The following IFT88 variants were observed in gnomAD, a reference collection of about 807,000 sequenced individuals.
IFT88 encodes the protein intraflagellar transport 88, also known as intraflagellar transport protein 88 homolog.
In IFT88, 74 loss-of-function variants were observed where a neutral mutation model predicts 119.5. The observed-to-expected ratio is 0.62, with a 90% CI of 0.51 to 0.75. The LOEUF is 0.75. Among genes scored for constraint, IFT88 ranks in the 30% least tolerant of loss-of-function variants. The pLI is 0.00. For missense variants in IFT88, 961 were observed against 977.7 expected, an observed-to-expected ratio of 0.98 and a Z score of 0.23; for synonymous variants, 279 against 316.7, an observed-to-expected ratio of 0.88 and a Z score of 1.26.
chr13:20,581,520 A>T (rs895872970), intron 2 of IFT88, among the ~76,000 whole-genome samples: 2 of 152,168 alleles, frequency 1.3e-5, no homozygotes, highest in Non-Finnish European at 2.9e-5. Context: ...TTTAGTTTCT[A>T]TGGGTAACTG....
intron 9 of IFT88, 54 bp downstream of exon 9, chr13:20,597,173 GGGTTC>G: frequency 1.2e-6 from 1 of 853,162 alleles, no homozygotes. Flanking sequence ...TAGGGTTAAT[GGGTTC>G]CAGAGTCTTT....
chr13:20,575,283 G>A (rs1348157822), intron 2 of IFT88, among the ~76,000 whole-genome samples: 1 of 152,078 alleles, frequency 6.6e-6, no homozygotes, highest in Non-Finnish European at 1.5e-5. Flanking sequence ...TATTGCAAAT[G>A]ACAGGATCTC....
intron 20 of IFT88, among the ~76,000 whole-genome samples, chr13:20,645,957 C>A (rs1311353666): frequency 6.6e-6 from 1 of 152,158 alleles, no homozygotes; most frequent in Non-Finnish European, 1.5e-5. Flanking sequence ...TTAATTATAT[C>A]TTTAAGATTA....
At chr13:20,583,804 A>G (rs2039149806) in intron 3 of IFT88, among the ~76,000 whole-genome samples, 1 of 152,124 alleles carries the variant, frequency 6.6e-6, no homozygotes, top group Non-Finnish European at 1.5e-5. Flanking sequence ...TCATTTTTAT[A>G]TATGGTATAA....
intron 16 of IFT88, among the ~76,000 whole-genome samples, chr13:20,632,548 C>T (rs2048362664): frequency 6.6e-6 from 1 of 152,206 alleles, no homozygotes; most frequent in Admixed American, 6.5e-5. Flanking sequence ...TGGTCTTTAA[C>T]AGATTTCCAA....
chr13:20,678,634 A>G (rs1026591352), intron 24 of IFT88, among the ~76,000 whole-genome samples: 5 of 152,180 alleles, frequency 3.3e-5, no homozygotes, highest in Admixed American at 2.6e-4. Flanking sequence ...AACAACTTCT[A>G]GCAGTGTGAA....
intron 14 of IFT88, among the ~76,000 whole-genome samples, chr13:20,616,541 A>T (rs960473078): frequency 6.6e-6 from 1 of 152,222 alleles, no homozygotes; most frequent in Non-Finnish European, 1.5e-5. Context: ...GCATTAGGCT[A>T]TACCATATAG....
intron 14 of IFT88, among the ~76,000 whole-genome samples, chr13:20,625,513 A>G (rs950183156): frequency 2.6e-5 from 4 of 152,174 alleles, no homozygotes; most frequent in African/African-American, 4.8e-5. Flanking sequence ...TATCAGTCCA[A>G]TTTTTACTTA....
intron 20 of IFT88, among the ~76,000 whole-genome samples, chr13:20,645,704 T>C (rs1165539096): frequency 6.6e-6 from 1 of 152,230 alleles, no homozygotes; most frequent in Non-Finnish European, 1.5e-5. Flanking sequence ...GTGTTATACA[T>C]ATCTGATTCA....
At chr13:20,641,741 A>G (rs1253577359) in intron 18 of IFT88, 3 of 173,452 alleles carry the variant, frequency 1.7e-5, no homozygotes, top group African/African-American at 7.1e-5. Context: ...GTAGGGTATC[A>G]TTGAAGCACT....
chr13:20,603,815 T>G lies in IFT88; in HGVS notation c.1042-1220T>G, dbSNP rs536132148. Among the ~76,000 whole-genome samples, 55 of 152,262 alleles carry G rather than the reference T, an allele frequency of 3.6e-4. 1 individual carries two copies. The highest frequency in any genetic ancestry group is 3.3e-3 in the Admixed American group (50 of 15,292). On this transcript the variant is annotated intron_variant, in intron 12 of 25. Coordinates refer to ENST00000351808, the MANE Select transcript of IFT88 (RefSeq NM_006531.5). The stretch of plus-strand genomic sequence containing the variant: ...GGGAGGCTGAGGTGGGAGGATCACC[T>G]GAGCCCGAGGAGGTCAAGGCTGCAG...
Position 20,590,971 on chromosome 13 carries a change from A to C in IFT88, c.215A>C (p.Lys72Thr), listed in dbSNP as rs1452960490. 3.7e-6 allele frequency: 6 copies of C among 1,607,274 alleles called. No homozygotes were observed. The East Asian group carries it at 1.3e-4, about 36-fold the overall frequency. The change falls in exon 5 of 26, where the codon AAG becomes ACG. Residue 72 changes from lysine to threonine, a missense_variant. Transcript: ENST00000351808. Reference sequence around the variant, plus strand: ...CTTAACTTTTCTGTTTACTAGTCCAAGACATCTCTGGCATCATCAATAGGA... The same window carrying C: ...CTTAACTTTTCTGTTTACTAGTCCACGACATCTCTGGCATCATCAATAGGA... ...TRPIATGYGS[K>T]TSLASSIGRP...
chr13:20,665,793 C>A (rs2054576998), intron 23 of IFT88, among the ~76,000 whole-genome samples: 1 of 152,180 alleles, frequency 6.6e-6, no homozygotes, highest in African/African-American at 2.4e-5. Flanking sequence ...CTAGGCAGAG[C>A]TGTGGGACCG....
rs540906255 is a variant in IFT88 at position 20,687,972 on chromosome 13, C to G, written c.2243-2733C>G. On this transcript the variant is annotated intron_variant, in intron 24 of 25. Transcript: ENST00000351808. The stretch of plus-strand genomic sequence containing the variant: ...GCCTCAAAAAGGCCAGAGCAGAGGT[C>G]GGATCAAAGAATCCCTGTCACAAAG... Among the ~76,000 whole-genome samples, 6 of 152,278 alleles carry G rather than the reference C, an allele frequency of 3.9e-5. No individual in the cohort carries two copies. The South Asian group carries it at 1.0e-3, about 26-fold the overall frequency.
chr13:20,637,559 C>T (rs1159279926), intron 16 of IFT88, among the ~76,000 whole-genome samples: 10 of 152,122 alleles, frequency 6.6e-5, no homozygotes, highest in Non-Finnish European at 1.2e-4. Flanking sequence ...CAGCCAAACC[C>T]TATCTTGGAG....
chr13:20,690,934 T>C, intron 25 of IFT88, 119 bp downstream of exon 25: 3 of 1,415,498 alleles, frequency 2.1e-6, no homozygotes, highest in Non-Finnish European at 3.0e-6. Flanking sequence ...AAATTTAAAA[T>C]GACTTGGGAG....
chr13:20,641,203 A>G (rs2049897696), intron 17 of IFT88, 87 bp from the exon 18 acceptor site: 3 of 770,082 alleles, frequency 3.9e-6, no homozygotes, highest in Non-Finnish European at 4.1e-6. Flanking sequence ...ATATTTTCAT[A>G]TATTTTGAGA....
At chr13:20,597,749 A>AAC (rs1388659074) in intron 9 of IFT88, among the ~76,000 whole-genome samples, 4 of 142,480 alleles carry the variant, frequency 2.8e-5, no homozygotes, top group Non-Finnish European at 6.3e-5. Context: ...CCGTCTCAAA[A>AAC]AAAAAATATA....
intron 5 of IFT88, among the ~76,000 whole-genome samples, chr13:20,591,342 G>C (rs1282165381): frequency 6.6e-6 from 1 of 152,112 alleles, no homozygotes; most frequent in Non-Finnish European, 1.5e-5. Context: ...TCTCTCATAG[G>C]CATGTAAGAG....
Sources: gnomAD v4.1 joint callset for allele counts (sites outside exome capture counted in the v4.1 genomes callset) on GRCh38, gnomAD v4.1.1 for gene constraint, MANE v1.5 for transcripts, NCBI Gene and HGNC (gene_info 2026-07-23, HGNC 2026-07-21) for gene names.